The following LRRIQ1 variants were observed in gnomAD, a reference collection of about 807,000 sequenced individuals.
LRRIQ1 encodes the protein leucine-rich repeat- and IQ domain-containing protein 1.
A neutral mutation model predicts 211.9 loss-of-function variants in LRRIQ1; 210 were observed. The ratio of observed to expected loss-of-function variants is 0.99; its 90% CI spans 0.89 to 1.11. LRRIQ1 has a LOEUF of 1.11. Among genes scored for constraint, LRRIQ1 ranks in the 50% most tolerant of loss-of-function variants. The pLI, the probability that LRRIQ1 is intolerant of heterozygous loss-of-function variation, is 0.00. For missense variants in LRRIQ1, 2,136 were observed against 1,939.5 expected, an observed-to-expected ratio of 1.10 and a Z score of -1.90; for synonymous variants, 699 against 650.1, an observed-to-expected ratio of 1.08 and a Z score of -1.14.
intron 24 of LRRIQ1, among the ~76,000 whole-genome samples, chr12:85,193,682 T>C (rs898423487): frequency 4.6e-5 from 7 of 151,508 alleles, no homozygotes; most frequent in African/African-American, 1.7e-4. Context: ...GCACTAAACA[T>C]GGAAAGGAAC....
At chr12:85,205,928 A>T (rs1324869155) in intron 24 of LRRIQ1, among the ~76,000 whole-genome samples, 1 of 152,076 alleles carries the variant, frequency 6.6e-6, no homozygotes, top group Non-Finnish European at 1.5e-5. Flanking sequence ...AAATTCTTGG[A>T]GAGAGTTTTT....
chr12:85,213,316 A>G (rs924445145), intron 24 of LRRIQ1, among the ~76,000 whole-genome samples: 3 of 152,040 alleles, frequency 2.0e-5, no homozygotes, highest in African/African-American at 4.8e-5. Context: ...TTAATAAACT[A>G]GTATAACACA....
intron 19 of LRRIQ1, among the ~76,000 whole-genome samples, chr12:85,146,798 C>T (rs148648062): frequency 6.6e-6 from 1 of 151,696 alleles, no homozygotes; most frequent in African/African-American, 2.4e-5. Flanking sequence ...TTTGAATACT[C>T]TTACTCTTCT....
intron 1 of LRRIQ1, among the ~76,000 whole-genome samples, chr12:85,254,663 A>G (rs973330452): frequency 4.6e-5 from 7 of 152,080 alleles, no homozygotes; most frequent in Non-Finnish European, 8.8e-5. Context: ...CAAAATTCAA[A>G]TAGTTATATA....
intron 16 of LRRIQ1, among the ~76,000 whole-genome samples, chr12:85,122,128 A>T (rs987256310): frequency 2.0e-5 from 3 of 152,176 alleles, no homozygotes; most frequent in Non-Finnish European, 4.4e-5. Context: ...TGTGGATAGC[A>T]TCAAGACAAG....
chr12:85,215,087 T>C (rs972776885), intron 24 of LRRIQ1, among the ~76,000 whole-genome samples: 8 of 152,104 alleles, frequency 5.3e-5, no homozygotes, highest in Non-Finnish European at 1.0e-4. Flanking sequence ...GATAATCTCA[T>C]TTGCAACCAG....
chr12:85,104,251 A>G (rs1036230121), intron 14 of LRRIQ1, among the ~76,000 whole-genome samples, 174 bp downstream of exon 14: 1 of 151,964 alleles, frequency 6.6e-6, no homozygotes, highest in African/African-American at 2.4e-5. Flanking sequence ...TTACAGTCAT[A>G]TTACTTCCAC....
intron 24 of LRRIQ1, among the ~76,000 whole-genome samples, chr12:85,174,843 T>A (rs774341959): frequency 1.3e-5 from 2 of 151,588 alleles, no homozygotes; most frequent in Non-Finnish European, 2.9e-5. Context: ...CCAGGCCCAC[T>A]AAATGTTAGG....
intron 14 of LRRIQ1, among the ~76,000 whole-genome samples, chr12:85,106,158 A>G (rs984110662): frequency 1.3e-5 from 2 of 152,148 alleles, no homozygotes; most frequent in African/African-American, 4.8e-5. Context: ...ATACAATTTT[A>G]ACACTTATCC....
At chr12:85,271,794 G>C in the LRRIQ1 span, among the ~76,000 whole-genome samples, 5 of 151,722 alleles carry the variant, frequency 3.3e-5, no homozygotes, top group African/African-American at 1.2e-4. Context: ...TGCAATTTTG[G>C]GTTTGCATCC....
chr12:85,265,118 GTGTC>G (rs1380504243), downstream of LRRIQ1, among the ~76,000 whole-genome samples: 2 of 151,982 alleles, frequency 1.3e-5, no homozygotes, highest in Non-Finnish European at 2.9e-5. Context: ...GTGTAATACT[GTGTC>G]TGTGTAATAC....
chr12:85,111,715 T>C lies in LRRIQ1; in HGVS notation c.3377+5100T>C, dbSNP rs188413013. ...TATATTTCTGGCATTGTCCCAGACA[T>C]TTTGTATTTCTACCAGAAATAAGCA... On this transcript the variant is annotated intron_variant, in intron 15 of 26. Transcript: ENST00000393217. Among the ~76,000 whole-genome samples the C allele has an allele frequency of 2.6e-3, 397 of 152,266 alleles. 1 individual carries two copies. The highest frequency in any genetic ancestry group is 4.8e-3 in the Non-Finnish European group (327 of 68,006).
chr12:85,225,920 C>G (rs755400085), intron 24 of LRRIQ1, among the ~76,000 whole-genome samples: 25 of 152,194 alleles, frequency 1.6e-4, no homozygotes, highest in Non-Finnish European at 3.4e-4. Context: ...TGAGACAGAA[C>G]CACTTCCTCT....
intron 24 of LRRIQ1, among the ~76,000 whole-genome samples, chr12:85,190,424 ATAAT>A (rs1356223853): frequency 1.4e-5 from 2 of 147,396 alleles, no homozygotes; most frequent in East Asian, 2.0e-4. Context: ...GTTAATATAA[ATAAT>A]TATATCAAAT....
chr12:85,087,102 C>T (rs1419962114), intron 11 of LRRIQ1, among the ~76,000 whole-genome samples: 1 of 152,054 alleles, frequency 6.6e-6, no homozygotes, highest in Non-Finnish European at 1.5e-5. Flanking sequence ...ATCCCCCCAC[C>T]CCACGACAGG....
intron 24 of LRRIQ1, among the ~76,000 whole-genome samples, chr12:85,212,838 G>C (rs947042642): frequency 6.7e-6 from 1 of 149,174 alleles, no homozygotes; most frequent in Non-Finnish European, 1.5e-5. Flanking sequence ...AGGGTTCTAG[G>C]GTAAAAACTC....
intron 24 of LRRIQ1, among the ~76,000 whole-genome samples, chr12:85,228,699 G>A (rs900754894): frequency 5.3e-5 from 8 of 152,148 alleles, no homozygotes; most frequent in African/African-American, 1.4e-4. Flanking sequence ...GTGTCTGCAC[G>A]TACATGCACA....
At chr12:85,244,074 T>G (rs1036861718) in intron 26 of LRRIQ1, among the ~76,000 whole-genome samples, 3 of 151,640 alleles carry the variant, frequency 2.0e-5, no homozygotes, top group African/African-American at 4.8e-5. Flanking sequence ...TCCTAATGTA[T>G]CTTTATGTAA....
Position 85,128,044 on chromosome 12 carries a change from A to G in LRRIQ1, c.4209+11A>G, listed in dbSNP as rs752963431. On this transcript the variant is annotated intron_variant, in intron 18 of 26. Transcript: ENST00000393217. ...GCTATTCTTATTCAGGTTAATTTCA[A>G]TCTTTTGGTAACATAGTTACAAAAG... The G allele has an allele frequency of 2.8e-5, 44 of 1,566,498 alleles. No homozygotes were observed. The highest frequency in any genetic ancestry group is 3.7e-5 in the Non-Finnish European group (42 of 1,137,768).
Sources: gnomAD v4.1 joint callset for allele counts (sites outside exome capture counted in the v4.1 genomes callset) on GRCh38, gnomAD v4.1.1 for gene constraint, MANE v1.5 for transcripts, NCBI Gene and HGNC (gene_info 2026-07-23, HGNC 2026-07-21) for gene names.